Variants in DUOX2 observed in about 807,000 individuals in gnomAD.
DUOX2 encodes the protein dual oxidase 2.
DUOX2 carries 185 observed loss-of-function variants against 183.3 expected under a neutral mutation model. The observed-to-expected ratio is 1.01, with a 90% CI of 0.90 to 1.14. The LOEUF is 1.14. Ranked by LOEUF, DUOX2 falls within the 50% of genes most tolerant of loss-of-function variation. The pLI is 0.00. For synonymous variants in DUOX2, 788 were observed against 812.4 expected (o/e 0.97, Z 0.51); for missense variants, 1,999 against 2,022.9 (o/e 0.99, Z 0.23).
At chr15:45,106,674 A>G in intron 15 of DUOX2, 33 bp from the exon 16 acceptor site, 1 of 1,607,628 alleles carries the variant, frequency 6.2e-7, no homozygotes. Flanking sequence ...GTGAGGAGGG[A>G]GCCCCTCACC....
chr15:45,099,509 T>C, intron 25 of DUOX2, 27 bp from the exon 26 acceptor site: 1 of 1,609,220 alleles, frequency 6.2e-7, no homozygotes, highest in Non-Finnish European at 8.5e-7. Context: ...CTGTTAGAGA[T>C]GCCAACCAGG....
chr15:45,100,135 G>A lies in DUOX2; in HGVS notation c.3099C>T (p.Arg1033=). 6.2e-7 allele frequency: 1 copy of A among 1,614,236 alleles called. No individual in the cohort carries two copies. The highest frequency in any genetic ancestry group is 8.5e-7 in the Non-Finnish European group (1 of 1,180,050). Residue 1033 remains arginine (R), a synonymous_variant, in exon 24 of 34, where the codon CGC becomes CGT. Coordinates refer to ENST00000389039, the MANE Select transcript of DUOX2 (RefSeq NM_001363711.2). ...FLAQKLQQYK[R]FVENYRRHIV... ...TGTGCCTCCGGTAGTTCTCCACGAA[G>A]CGCTTGTACTGCTGCAGCTTTTGGG...
At chr15:45,097,163 C>G (rs1893924954) in intron 29 of DUOX2, 75 bp downstream of exon 29, 1 of 1,605,566 alleles carries the variant, frequency 6.2e-7, no homozygotes, top group South Asian at 1.1e-5. Context: ...GGTCAGGAGA[C>G]CTGGTGAACT....
intron 21 of DUOX2, 104 bp from the exon 22 acceptor site, chr15:45,101,378 C>T: frequency 1.0e-6 from 1 of 988,026 alleles, no homozygotes; most frequent in Non-Finnish European, 1.6e-6. Flanking sequence ...GTCCAGATCT[C>T]TGACTCGAGT....
In DUOX2 at chr15:45,104,374, G is replaced by A. The variant is rs766391742; in HGVS notation, c.2335-9C>T. 3.9e-5 allele frequency: 63 copies of A among 1,612,582 alleles called. 1 individual carries two copies. Among genetic ancestry groups the A allele is most frequent in the Middle Eastern group, 3.3e-4 (2 of 6,078 alleles). ...TGGTTGATGTCCAGCACCTGCACTCGGGCAGCAGCAGAGGGAGGGAAAGAG... is the reference window on the plus strand; with the variant it reads ...TGGTTGATGTCCAGCACCTGCACTCAGGCAGCAGCAGAGGGAGGGAAAGAG... On this transcript the variant is annotated splice_polypyrimidine_tract_variant and intron_variant, in intron 18 of 33. Transcript: ENST00000389039.
chr15:45,106,582 G>A lies in DUOX2; in HGVS notation c.1891C>T (p.Gln631Ter), dbSNP rs1326331648. The change falls in exon 16 of 34, where the codon CAA (glutamine) becomes TAA (stop). Residue 631 changes from glutamine to a stop codon, truncating the protein, a stop_gained. Transcript: ENST00000389039. LOFTEE classifies it high-confidence loss of function. ...YFRGREHKKL[Q>*]KKLKESVKKE... Reference sequence around the variant, plus strand: ...TTCACGCTCTCTTTGAGTTTCTTTTGTAGCTTCTTGTGTTCTCGGCCCCGG... The same window carrying A: ...TTCACGCTCTCTTTGAGTTTCTTTTATAGCTTCTTGTGTTCTCGGCCCCGG... 2 of 1,614,056 alleles carry A rather than the reference G, an allele frequency of 1.2e-6. No individual in the cohort carries two copies. The highest frequency in any genetic ancestry group is 1.7e-6 in the Non-Finnish European group (2 of 1,180,014).
At chr15:45,100,545 T>TTGAGCCAG in intron 23 of DUOX2, 1 of 634,320 alleles carries the variant, frequency 1.6e-6, no homozygotes, top group Non-Finnish European at 2.8e-6. Flanking sequence ...TATCATCCTG[T>TTGAGCCAG]TGAGCCAGGA....
chr15:45,097,065 T>C (rs1023197021), intron 29 of DUOX2, among the ~76,000 whole-genome samples, 173 bp downstream of exon 29: 1 of 152,206 alleles, frequency 6.6e-6, no homozygotes, highest in African/African-American at 2.4e-5. Context: ...CCTTTCTGGG[T>C]CTACTTCTAT....
In DUOX2 at chr15:45,092,793, T is replaced by C. The variant is rs886051186; in HGVS notation, c.*1357A>G. 2.6e-5 allele frequency: 4 copies of C among 152,226 alleles called. No individual in the cohort carries two copies. Among genetic ancestry groups the C allele is most frequent in the Non-Finnish European group, 4.4e-5 (3 of 68,044 alleles). The allele number at this position is 152,226 out of a possible 1,614,324, so 9.4% of individuals were successfully genotyped here. ...TCAGCAATGAAAAGGAACAAACTGC[T>C]GATACACACAACAGCATGGATGAAT... On this transcript the variant is annotated 3_prime_UTR_variant, in exon 34 of 34. Transcript: ENST00000389039.
chr15:45,110,084 T>C, intron 9 of DUOX2, 104 bp from the exon 10 acceptor site: 1 of 1,055,216 alleles, frequency 9.5e-7, no homozygotes, highest in Non-Finnish European at 1.5e-6. Context: ...GATTGAGCAG[T>C]GGCCCAGGAA....
chr15:45,112,881 C>A (rs1894483270), intron 3 of DUOX2, 106 bp downstream of exon 3: 1 of 1,544,076 alleles, frequency 6.5e-7, no homozygotes, highest in Non-Finnish European at 8.9e-7. Context: ...GTGTAGGCAG[C>A]GGAGCTGCTG....
chr15:45,100,785 C>T lies in DUOX2; in HGVS notation c.2975G>A (p.Gly992Asp). The part of the protein sequence containing the change: ...PPAPEAPELG[G>D]PGLKKRFGKK... ...GCCAAACCTCTTCTTCAGTCCAGGG[C>T]CTCCCAGCTCTGGGGCTTCTGGGGC... is the stretch of plus-strand genomic sequence containing the variant. The change falls in exon 23 of 34, where the codon GGC becomes GAC. Residue 992 changes from glycine to aspartate, a missense_variant. Gly to Asp is a moderately conservative substitution (Grantham distance 94). This residue lies in a region of DUOX2 where 1,628 missense variants were observed against 1,608.6 expected (regional missense o/e 1.01). Transcript: ENST00000389039. 1 of 1,614,054 alleles carries T rather than the reference C, an allele frequency of 6.2e-7. No individual in the cohort carries two copies. The highest frequency in any genetic ancestry group is 1.3e-5 in the African/African-American group (1 of 74,992).
intron 21 of DUOX2, 180 bp downstream of exon 21, chr15:45,101,613 G>A: frequency 1.4e-6 from 1 of 733,016 alleles, no homozygotes; most frequent in South Asian, 1.7e-5. Flanking sequence ...ACCTCAGTGG[G>A]TATCATTGTG....
In DUOX2 at chr15:45,108,872, G is replaced by T. The variant is rs781544455; in HGVS notation, c.1315C>A (p.Pro439Thr). Residue 439 changes from proline to threonine, a missense_variant, in exon 12 of 34, where the codon CCC (proline) becomes ACC (threonine). Pro to Thr is a conservative substitution (Grantham distance 38). Coordinates refer to ENST00000389039, the MANE Select transcript of DUOX2 (RefSeq NM_001363711.2). ...GCCAGCAGGGCCTGGCTATAGCTGG[G>T]CAGCCCCATATCTCGGCCACGTTGG... is the stretch of plus-strand genomic sequence containing the variant. ...SIQRGRDMGL[P>T]SYSQALLAFG... The T allele has an allele frequency of 6.2e-7, 1 of 1,614,116 alleles. No homozygotes were observed. Among genetic ancestry groups the T allele is most frequent in the East Asian group, 2.2e-5 (1 of 44,898 alleles).
At chr15:45,102,523 A>T (rs1894109218) in intron 20 of DUOX2, among the ~76,000 whole-genome samples, 1 of 152,228 alleles carries the variant, frequency 6.6e-6, no homozygotes. Context: ...AGCTCTATTC[A>T]TAGGTTGTGC....
rs1259618509 is a variant in DUOX2 at position 45,106,650 on chromosome 15, G to T, written c.1832-9C>A. 1 of 1,613,794 alleles carries T rather than the reference G, an allele frequency of 6.2e-7. No homozygotes were observed. The highest frequency in any genetic ancestry group is 1.3e-5 in the African/African-American group (1 of 74,912). On this transcript the variant is annotated splice_polypyrimidine_tract_variant and intron_variant, in intron 15 of 33. Transcript: ENST00000389039. Reference sequence around the variant, plus strand: ...AGAGAGAAGCAGACTCACTGAAGTGGATCAGAAGGAACAGTGAGGAGGGAG... The same window carrying T: ...AGAGAGAAGCAGACTCACTGAAGTGTATCAGAAGGAACAGTGAGGAGGGAG...
intron 30 of DUOX2, 95 bp from the exon 31 acceptor site, chr15:45,095,690 C>T: frequency 1.3e-6 from 2 of 1,586,442 alleles, no homozygotes; most frequent in Non-Finnish European, 8.6e-7. Flanking sequence ...ACAGAACATC[C>T]TAGTCTTTTC....
Position 45,112,640 on chromosome 15 carries a change from T to G in DUOX2, c.239A>C (p.Asn80Thr). 6.2e-7 allele frequency: 1 copy of G among 1,612,784 alleles called. No individual in the cohort carries two copies. The highest frequency in any genetic ancestry group is 8.5e-7 in the Non-Finnish European group (1 of 1,179,852). Residue 80 changes from asparagine to threonine, a missense_variant, in exon 4 of 34, where the codon AAC becomes ACC. Coordinates refer to ENST00000389039, the MANE Select transcript of DUOX2 (RefSeq NM_001363711.2). ...YQALEEPQLP[N>T]PRRLSNAATR... ...GGCTGCGTTGCTGAGCCGGCGCGGG[T>G]TGGGCAGCTGCGGCTCCTCCAGAGC...
chr15:45,113,221 C>G, intron 2 of DUOX2, 121 bp downstream of exon 2: 2 of 1,453,424 alleles, frequency 1.4e-6, no homozygotes, highest in South Asian at 1.2e-5. Flanking sequence ...GTTTCCCATC[C>G]CGCTGAGCTG....
Sources: gnomAD v4.1 joint callset for allele counts (sites outside exome capture counted in the v4.1 genomes callset) on GRCh38, gnomAD v4.1.1 for gene constraint, gnomAD v4.1.1 regional missense constraint, MANE v1.5 for transcripts, NCBI Gene and HGNC (gene_info 2026-07-23, HGNC 2026-07-21) for gene names.